MARCHF7: variants seen among roughly 807,000 people sequenced by gnomAD.
The protein encoded by MARCHF7 is E3 ubiquitin-protein ligase MARCHF7.
MARCHF7 carries 20 observed loss-of-function variants against 76.5 expected under a neutral mutation model. The observed-to-expected ratio is 0.26, with a 90% confidence interval of 0.18 to 0.38. MARCHF7 has a LOEUF of 0.38. Among genes scored for constraint, MARCHF7 ranks in the 10% least tolerant of loss-of-function variants. The pLI, the probability that MARCHF7 is intolerant of heterozygous loss-of-function variation, is 1.00. For synonymous variants in MARCHF7, 295 were observed against 293.0 expected, an observed-to-expected ratio of 1.01 and a Z score of -0.07; for missense variants, 797 against 812.9, an observed-to-expected ratio of 0.98 and a Z score of 0.24.
chr2:159,765,730 GTCTAT>G lies in MARCHF7; in HGVS notation c.2056+1057_2056+1061del, dbSNP rs568982666. Among the ~76,000 whole-genome samples, 31 of 152,128 alleles carry G rather than the reference GTCTAT, an allele frequency of 2.0e-4. No individual in the cohort carries two copies. The South Asian group carries it at 5.6e-3, about 28-fold the overall frequency. On this transcript the variant is annotated intron_variant, in intron 11 of 11. Transcript: ENST00000409175. Reference sequence around the variant, plus strand: ...ATCTAAAACATAGATTTTTGTCATTGTCTATACTACTTTCAAGTTTTTAAAGGTTT... The same window carrying G: ...ATCTAAAACATAGATTTTTGTCATTGACTACTTTCAAGTTTTTAAAGGTTT...
intron 7 of MARCHF7, 83 bp downstream of exon 7, chr2:159,748,986 T>TTC: frequency 3.1e-5 from 40 of 1,280,254 alleles, no homozygotes; most frequent in Non-Finnish European, 3.8e-5. Context: ...TTCTTTTTTT[T>TTC]TTTTTTTTTT....
chr2:159,750,449 T>G (rs914542386), intron 7 of MARCHF7, among the ~76,000 whole-genome samples: 1 of 152,210 alleles, frequency 6.6e-6, no homozygotes, highest in East Asian at 1.9e-4. Flanking sequence ...TGCTTGAACC[T>G]GGGAGGTGGA....
intron 3 of MARCHF7, among the ~76,000 whole-genome samples, chr2:159,721,312 A>T (rs1472791787): frequency 6.6e-6 from 1 of 152,170 alleles, no homozygotes; most frequent in African/African-American, 2.4e-5. Context: ...TCACTCATTT[A>T]AAAAAGCAGT....
At chr2:159,718,593 T>C (rs1266399876) in intron 3 of MARCHF7, among the ~76,000 whole-genome samples, 4 of 152,142 alleles carry the variant, frequency 2.6e-5, no homozygotes, top group African/African-American at 9.7e-5. Context: ...AGAAAAACTT[T>C]TGGACATTGT....
chr2:159,758,672 A>G (rs538569787), intron 8 of MARCHF7, among the ~76,000 whole-genome samples: 1 of 152,366 alleles, frequency 6.6e-6, no homozygotes, highest in African/African-American at 2.4e-5. Context: ...TATAAAGACT[A>G]ATTCCTTTTA....
rs191513090 is a variant in MARCHF7 at position 159,712,588 on chromosome 2, T to G, written c.-161T>G. ...ATTTCCTCAGTCACGGGCCTAGAAC[T>G]CCAAGGAGAAAGGCGGCGGTGCGTG... On this transcript the variant is annotated 5_prime_UTR_variant, in exon 1 of 12. Coordinates refer to ENST00000409175, the MANE Select transcript of MARCHF7 (RefSeq NM_001282805.2). 88 of 152,730 alleles carry G rather than the reference T, an allele frequency of 5.8e-4. No homozygotes were observed. Among genetic ancestry groups the G allele is most frequent in the African/African-American group, 2.1e-3 (86 of 41,496 alleles). The allele number at this position is 152,730 out of a possible 1,614,324, so 9.5% of individuals were successfully genotyped here.
intron 4 of MARCHF7, among the ~76,000 whole-genome samples, chr2:159,739,634 T>C (rs1363883388): frequency 6.6e-6 from 1 of 152,218 alleles, no homozygotes; most frequent in Non-Finnish European, 1.5e-5. Flanking sequence ...TGACACTTTA[T>C]TTAATTGTTC....
At chr2:159,728,014 T>G in intron 3 of MARCHF7, among the ~76,000 whole-genome samples, 1 of 152,384 alleles carries the variant, frequency 6.6e-6, no homozygotes, top group Admixed American at 6.5e-5. Flanking sequence ...ATAAATAGAA[T>G]CATACTGTAT....
chr2:159,744,210 G>A (rs1238315165), intron 5 of MARCHF7, among the ~76,000 whole-genome samples: 2 of 151,658 alleles, frequency 1.3e-5, no homozygotes, highest in African/African-American at 4.8e-5. Flanking sequence ...GGATGGTCTC[G>A]ATCTCCTGAC....
chr2:159,725,856 T>C (rs1361113292), intron 3 of MARCHF7, among the ~76,000 whole-genome samples: 2 of 152,200 alleles, frequency 1.3e-5, no homozygotes, highest in Non-Finnish European at 2.9e-5. Context: ...TAGGATAGAA[T>C]GGTCTAGTGG....
chr2:159,764,255 T>TGTGTGTGTGCGCGC lies in MARCHF7; in HGVS notation c.2008-370_2008-369insTGTGTGTGCGCGCG, dbSNP rs10592175. Among the ~76,000 whole-genome samples, 326 of 131,444 alleles carry TGTGTGTGTGCGCGC rather than the reference T, an allele frequency of 2.5e-3. 2 individuals are homozygous for TGTGTGTGTGCGCGC. Among genetic ancestry groups the TGTGTGTGTGCGCGC allele is most frequent in the East Asian group, 0.012 (53 of 4,376 alleles). The allele number at this position is 131,444 out of a possible 152,430, so 86.2% of individuals were successfully genotyped here. A position where few individuals can be genotyped will look rare whatever the true frequency, so the allele number is the denominator to read the frequency against. On this transcript the variant is annotated intron_variant, in intron 10 of 11. Coordinates refer to ENST00000409175, the MANE Select transcript of MARCHF7 (RefSeq NM_001282805.2). ...GTGTGTGTGTGTGTGTGTGTGTGTGTGCGCGCGCCCACTGAAACTGAATTT... is the reference window on the plus strand; with the variant it reads ...GTGTGTGTGTGTGTGTGTGTGTGTGTGTGTGTGTGCGCGCGCGCGCGCCCACTGAAACTGAATTT...
chr2:159,729,121 A>G lies in MARCHF7; in HGVS notation c.99A>G (p.Leu33=), dbSNP rs373883726. Residue 33 remains leucine (L), a synonymous_variant, in exon 4 of 12, where the codon TTA becomes TTG. Transcript: ENST00000409175. ...TGTCTGGAAGCAGAGGAAGTAGTTTAAATGATACCTATCACTCAAGAGACT... is the reference window on the plus strand; with the variant it reads ...TGTCTGGAAGCAGAGGAAGTAGTTTGAATGATACCTATCACTCAAGAGACT... ...RMMSGSRGSS[L]NDTYHSRDSS... 3 of 1,611,076 alleles carry G rather than the reference A, an allele frequency of 1.9e-6. No individual in the cohort carries two copies. Among genetic ancestry groups the G allele is most frequent in the Non-Finnish European group, 2.5e-6 (3 of 1,178,896 alleles).
intron 3 of MARCHF7, among the ~76,000 whole-genome samples, chr2:159,717,943 T>C (rs1701222069): frequency 6.6e-6 from 1 of 152,248 alleles, no homozygotes; most frequent in Non-Finnish European, 1.5e-5. Context: ...CTTTGAAAGA[T>C]GTTTTACTAT....
chr2:159,748,101 T>A lies in MARCHF7; in HGVS notation c.811T>A (p.Ser271Thr). The A allele has an allele frequency of 1.2e-6, 2 of 1,614,154 alleles. No individual in the cohort carries two copies. The highest frequency in any genetic ancestry group is 1.7e-6 in the Non-Finnish European group (2 of 1,180,006). ...ATCTCAAAGACCATTTCAAGAATCT[T>A]CTGACAATGAAGGTAGGCGGACAAC... ...VSSQRPFQES[S>T]DNEGRRTTRR... is the part of the protein sequence containing the mutation. The change falls in exon 7 of 12, where the codon TCT becomes ACT. Residue 271 changes from serine (S) to threonine (T), a missense_variant. Physicochemically the swap from Ser to Thr is moderately conservative, Grantham distance 58 (BLOSUM62 1). Coordinates refer to ENST00000409175, the MANE Select transcript of MARCHF7 (RefSeq NM_001282805.2).
chr2:159,754,284 A>G (rs1204960199), intron 8 of MARCHF7, among the ~76,000 whole-genome samples: 1 of 152,184 alleles, frequency 6.6e-6, no homozygotes, highest in Non-Finnish European at 1.5e-5. Flanking sequence ...GAAAACCAAG[A>G]AAATGTGTTG....
chr2:159,740,287 G>A (rs1184797409), intron 4 of MARCHF7, among the ~76,000 whole-genome samples: 1 of 152,134 alleles, frequency 6.6e-6, no homozygotes, highest in East Asian at 1.9e-4. Flanking sequence ...TTGCAGAAGT[G>A]CTGTTCAGTA....
chr2:159,726,004 C>G (rs1208465474), intron 3 of MARCHF7, among the ~76,000 whole-genome samples: 1 of 152,158 alleles, frequency 6.6e-6, no homozygotes, highest in Non-Finnish European at 1.5e-5. Flanking sequence ...CTGTGGGTCT[C>G]AATACTGAGT....
chr2:159,739,938 C>G (rs951116889), intron 4 of MARCHF7, among the ~76,000 whole-genome samples: 1 of 152,164 alleles, frequency 6.6e-6, no homozygotes, highest in Non-Finnish European at 1.5e-5. Context: ...TCTTTGGACA[C>G]TTCAGCATTC....
At chr2:159,737,449 T>A (rs1350470531) in intron 4 of MARCHF7, among the ~76,000 whole-genome samples, 1 of 152,154 alleles carries the variant, frequency 6.6e-6, no homozygotes, top group Non-Finnish European at 1.5e-5. Context: ...AAGTCAGAAC[T>A]ACAGTGAGAT....
Sources: allele counts gnomAD v4.1 joint callset (sites outside exome capture counted in the v4.1 genomes callset), GRCh38; gene constraint gnomAD v4.1.1; transcripts MANE v1.5; gene names NCBI Gene and HGNC (gene_info 2026-07-23, HGNC 2026-07-21).